The following USP34 variants were observed in gnomAD, a reference collection of about 807,000 sequenced individuals.
The protein encoded by USP34 is ubiquitin specific peptidase 34.
In USP34, 70 loss-of-function variants were observed where a neutral mutation model predicts 460.3. That is an observed-to-expected ratio of 0.15 (90% CI 0.13 to 0.19). The LOEUF (loss-of-function observed/expected upper bound fraction) is 0.19, where lower values mean the gene tolerates loss of function less well. Among genes scored for constraint, USP34 ranks in the 10% least tolerant of loss-of-function variants. USP34 has a pLI of 1.00. For missense variants in USP34, 3,985 were observed against 4,236.2 expected (o/e 0.94, Z 1.65); for synonymous variants, 1,647 against 1,405.3 (o/e 1.17, Z -3.85).
intron 10 of USP34, among the ~76,000 whole-genome samples, chr2:61,353,771 G>C (rs1692025081): frequency 6.6e-6 from 1 of 152,022 alleles, no homozygotes; most frequent in African/African-American, 2.4e-5. Flanking sequence ...AAGATAGTAA[G>C]AGTAAAGACA....
chr2:61,439,024 C>G (rs575234923), intron 1 of USP34, among the ~76,000 whole-genome samples: 1 of 152,142 alleles, frequency 6.6e-6, no homozygotes, highest in East Asian at 1.9e-4. Context: ...CATATACAAA[C>G]AATACACTAC....
intron 57 of USP34, among the ~76,000 whole-genome samples, 197 bp from the exon 58 acceptor site, chr2:61,232,729 G>C (rs143958290): frequency 6.6e-6 from 1 of 151,860 alleles, no homozygotes; most frequent in Non-Finnish European, 1.5e-5. Flanking sequence ...TCCATGGAAT[G>C]CCATTTACAT....
intron 14 of USP34, 48 bp from the exon 15 acceptor site, chr2:61,348,528 A>G (rs1289438319): frequency 1.9e-6 from 3 of 1,561,732 alleles, no homozygotes; most frequent in East Asian, 2.2e-5. Flanking sequence ...AACCAGTAAG[A>G]AAAAAGGTAA....
intron 1 of USP34, among the ~76,000 whole-genome samples, chr2:61,467,698 C>T (rs1199409137): frequency 6.9e-6 from 1 of 144,814 alleles, no homozygotes; most frequent in Non-Finnish European, 1.5e-5. Flanking sequence ...CGGCTCACTG[C>T]AACCTCCGCC....
In USP34 at chr2:61,278,374, A is replaced by G; in HGVS notation, c.5312+14T>C. 6.2e-7 allele frequency: 1 copy of G among 1,608,326 alleles called. No homozygotes were observed. The highest frequency in any genetic ancestry group is 8.5e-7 in the Non-Finnish European group (1 of 1,177,858). ...CCTCGACAATATAAATGTCAATTTC[A>G]CATCAAATTTTACCTTCGAATACAG... On this transcript the variant is annotated intron_variant, in intron 40 of 79. Coordinates refer to ENST00000398571, the MANE Select transcript of USP34 (RefSeq NM_014709.4).
intron 15 of USP34, among the ~76,000 whole-genome samples, chr2:61,345,229 G>A (rs1178229095): frequency 6.6e-6 from 1 of 151,618 alleles, no homozygotes; most frequent in South Asian, 2.1e-4. Flanking sequence ...AGCCAGGATC[G>A]TGCCACTGCA....
intron 60 of USP34, 32 bp downstream of exon 60, chr2:61,228,795 T>C (rs752966072): frequency 2.5e-6 from 4 of 1,587,064 alleles, no homozygotes; most frequent in Non-Finnish European, 1.7e-6. Context: ...AAAAGGTAGA[T>C]AATCAAAAAA....
At chr2:61,416,771 T>C (rs1694206210) in intron 2 of USP34, 6 of 390,364 alleles carry the variant, frequency 1.5e-5, no homozygotes, top group Non-Finnish European at 2.7e-5. Context: ...AAAATGATGA[T>C]AATCTGGTAA....
intron 1 of USP34, among the ~76,000 whole-genome samples, chr2:61,432,463 T>A (rs1313722118): frequency 6.6e-6 from 1 of 151,768 alleles, no homozygotes; most frequent in Non-Finnish European, 1.5e-5. Flanking sequence ...GGTGACAGAG[T>A]GAGACCCTGT....
intron 3 of USP34, 88 bp downstream of exon 3, chr2:61,405,620 A>T: frequency 8.3e-7 from 1 of 1,208,030 alleles, no homozygotes; most frequent in Non-Finnish European, 1.1e-6. Context: ...CCGCCAGCAG[A>T]AAACTGTCTT....
intron 8 of USP34, among the ~76,000 whole-genome samples, chr2:61,375,146 G>A (rs1428858236): frequency 6.6e-6 from 1 of 152,076 alleles, no homozygotes; most frequent in Non-Finnish European, 1.5e-5. Flanking sequence ...CACATAAAAA[G>A]CTGCTCTACA....
intron 44 of USP34, among the ~76,000 whole-genome samples, chr2:61,258,102 C>A (rs1464862195): frequency 6.6e-6 from 1 of 152,082 alleles, no homozygotes; most frequent in Non-Finnish European, 1.5e-5. Flanking sequence ...GCCTGTGATC[C>A]CAGCACTTTG....
intron 20 of USP34, among the ~76,000 whole-genome samples, chr2:61,326,197 T>A (rs1053369478): frequency 2.6e-5 from 4 of 151,892 alleles, no homozygotes; most frequent in African/African-American, 7.3e-5. Context: ...TTTGCTTTTT[T>A]AAAAATTTGT....
chr2:61,233,556 T>C (rs1423571281), intron 57 of USP34, among the ~76,000 whole-genome samples: 1 of 152,110 alleles, frequency 6.6e-6, no homozygotes, highest in African/African-American at 2.4e-5. Context: ...CCAGGTGTAA[T>C]GGCTCATGCC....
At chr2:61,248,805 CT>C in intron 48 of USP34, 122 bp from the exon 49 acceptor site, 1 of 899,718 alleles carries the variant, frequency 1.1e-6, no homozygotes, top group Non-Finnish European at 1.6e-6. Context: ...AGTAGTTCCC[CT>C]TATCCACAGG....
intron 25 of USP34, among the ~76,000 whole-genome samples, chr2:61,313,278 G>T (rs1192109671): frequency 6.6e-6 from 1 of 151,774 alleles, no homozygotes; most frequent in African/African-American, 2.4e-5. Context: ...ATCTGAGAAG[G>T]AATTTTTGGA....
At chr2:61,290,368 A>G (rs1689813871) in intron 33 of USP34, among the ~76,000 whole-genome samples, 1 of 152,188 alleles carries the variant, frequency 6.6e-6, no homozygotes, top group African/African-American at 2.4e-5. Context: ...ACATACATAT[A>G]CCAAATGACC....
At position 61,295,018 on chromosome 2, in the gene USP34, A is replaced by C; in HGVS notation, c.4392T>G (p.Asp1464Glu). 1 of 1,612,264 alleles carries C rather than the reference A, an allele frequency of 6.2e-7. No homozygotes were observed. Among genetic ancestry groups the C allele is most frequent in the Non-Finnish European group, 8.5e-7 (1 of 1,179,492 alleles). ...TTGAATCATCTGAATCTGGATAAAG[A>C]TCACTGTAACTTCCCTATGAGAAAG... ...IRRESTGSYS[D>E]LYPDSDDSSE... The change falls in exon 32 of 80, where the codon GAT becomes GAG. Residue 1464 changes from aspartate (D) to glutamate (E), a missense_variant. This residue lies in a region of USP34 where 1,114 missense variants were observed against 1,122.5 expected (regional missense o/e 0.99). Coordinates refer to ENST00000398571, the MANE Select transcript of USP34 (RefSeq NM_014709.4).
chr2:61,273,044 G>A (rs1039712541), intron 41 of USP34, among the ~76,000 whole-genome samples: 3 of 152,080 alleles, frequency 2.0e-5, no homozygotes, highest in African/African-American at 7.2e-5. Context: ...TGCAACAACT[G>A]TATACACAAA....
Sources: allele counts gnomAD v4.1 joint callset (sites outside exome capture counted in the v4.1 genomes callset), GRCh38; gene constraint gnomAD v4.1.1; regional missense constraint gnomAD v4.1.1; transcripts MANE v1.5; gene names NCBI Gene and HGNC (gene_info 2026-07-23, HGNC 2026-07-21).